The following GINS1 variants were observed in gnomAD, a reference collection of about 807,000 sequenced individuals.
GINS1 encodes the protein GINS complex subunit 1, also known as DNA replication complex GINS protein PSF1.
A neutral mutation model predicts 34.9 loss-of-function variants in GINS1; 26 were observed. The ratio of observed to expected loss-of-function variants is 0.74; its 90% CI spans 0.55 to 1.03. The LOEUF is 1.03. Among genes scored for constraint, GINS1 ranks in the 50% least tolerant of loss-of-function variants. The pLI is 0.00. For missense variants in GINS1, 235 were observed against 237.9 expected, an observed-to-expected ratio of 0.99 and a Z score of 0.08; for synonymous variants, 97 against 84.4, an observed-to-expected ratio of 1.15 and a Z score of -0.82.
chr20:25,430,157 C>T (rs574795660), intron 5 of GINS1, among the ~76,000 whole-genome samples: 137 of 152,344 alleles, frequency 9.0e-4, no homozygotes, highest in African/African-American at 3.0e-3. Context: ...ATCATCCACC[C>T]GCCTTGGCCT....
rs555166278 is a variant in GINS1, at chr20:25,412,852, C to G, written c.76-938C>G. 3.9e-5 allele frequency among the ~76,000 whole-genome samples: 6 copies of G among 152,252 alleles called. No individual in the cohort carries two copies. In the East Asian group the frequency reaches 1.2e-3, roughly 29 times the overall value. On this transcript the variant is annotated intron_variant, in intron 1 of 6. Transcript: ENST00000262460. ...AAAAAGATTTCTGTAACTTTGCCCC[C>G]CTTTTGTAGCTACCTCCCACCTATA...
intron 5 of GINS1, among the ~76,000 whole-genome samples, chr20:25,432,389 G>A (rs57365695): frequency 0.021 from 3,190 of 150,670 alleles, 104 homozygotes; most frequent in African/African-American, 0.073. Flanking sequence ...TGCAACCTCC[G>A]CCTCCCGAGT....
chr20:25,410,419 C>A (rs926642702), intron 1 of GINS1, among the ~76,000 whole-genome samples: 11 of 152,130 alleles, frequency 7.2e-5, no homozygotes, highest in Non-Finnish European at 8.8e-5. Flanking sequence ...CTAGTGCCTT[C>A]CACTGACAAA....
chr20:25,408,985 C>G (rs1052935241), intron 1 of GINS1: 3 of 984,476 alleles, frequency 3.0e-6, no homozygotes, highest in African/African-American at 3.5e-5. Context: ...GCAAGGAGCA[C>G]GAAGGAGAAA....
chr20:25,412,638 C>A (rs2090293493), intron 1 of GINS1, among the ~76,000 whole-genome samples: 1 of 152,054 alleles, frequency 6.6e-6, no homozygotes, highest in Non-Finnish European at 1.5e-5. Flanking sequence ...CGATTGATAT[C>A]TTTGTTCGTC....
chr20:25,446,197 T>C lies in GINS1; in HGVS notation c.*206T>C. The C allele has an allele frequency of 2.5e-6, 1 of 402,762 alleles. No individual in the cohort carries two copies. The highest frequency in any genetic ancestry group is 4.4e-6 in the Non-Finnish European group (1 of 226,784). 24.9% of individuals were successfully genotyped at this position (402,762 alleles called of 1,614,324 possible). A position where few individuals can be genotyped will look rare whatever the true frequency, so the allele number is the denominator to read the frequency against. On this transcript the variant is annotated 3_prime_UTR_variant, in exon 7 of 7. Coordinates refer to ENST00000262460, the MANE Select transcript of GINS1 (RefSeq NM_021067.5). ...GTTGTACACTATTCTTCCTACTCTT[T>C]TTTGGTTTTGGTTTTGTTTTGTAGA...
At chr20:25,431,188 G>T (rs1310210361) in intron 5 of GINS1, among the ~76,000 whole-genome samples, 1 of 152,110 alleles carries the variant, frequency 6.6e-6, no homozygotes. Flanking sequence ...TTTCCAATTT[G>T]TTGGTGTACA....
chr20:25,438,286 T>A (rs940004568), intron 5 of GINS1, among the ~76,000 whole-genome samples: 7 of 151,968 alleles, frequency 4.6e-5, no homozygotes, highest in Non-Finnish European at 7.4e-5. Flanking sequence ...AGGTTCTGAA[T>A]TAAAAATGTA....
intron 5 of GINS1, among the ~76,000 whole-genome samples, chr20:25,426,081 G>C (rs1019157061): frequency 6.6e-6 from 1 of 152,020 alleles, no homozygotes; most frequent in Non-Finnish European, 1.5e-5. Context: ...CTCTGATTTT[G>C]ACTACTGTAA....
At chr20:25,415,760 A>G (rs1204600153) in intron 2 of GINS1, among the ~76,000 whole-genome samples, 2 of 152,032 alleles carry the variant, frequency 1.3e-5, no homozygotes, top group East Asian at 3.9e-4. Context: ...TGAAATATAG[A>G]TATGCCAAAT....
intron 5 of GINS1, among the ~76,000 whole-genome samples, chr20:25,440,834 AAAG>A (rs1288333504): frequency 1.3e-5 from 2 of 148,224 alleles, no homozygotes; most frequent in Non-Finnish European, 3.0e-5. Flanking sequence ...AAAAAAAAAG[AAAG>A]AAAAAACAGC....
chr20:25,418,749 A>G (rs1329315468), intron 4 of GINS1, among the ~76,000 whole-genome samples: 1 of 152,228 alleles, frequency 6.6e-6, no homozygotes, highest in Non-Finnish European at 1.5e-5. Context: ...TTGTCAACTA[A>G]GGAAGCTCAC....
At chr20:25,445,324 G>A (rs1278248431) in intron 6 of GINS1, among the ~76,000 whole-genome samples, 2 of 151,892 alleles carry the variant, frequency 1.3e-5, no homozygotes, top group East Asian at 3.9e-4. Flanking sequence ...TGGGATTACA[G>A]GCATGCGCCA....
rs893713875 is a variant in GINS1 at position 25,412,360 on chromosome 20, C to A, written c.76-1430C>A. Among the ~76,000 whole-genome samples, 45 of 151,744 alleles carry A rather than the reference C, an allele frequency of 3.0e-4. No homozygotes were observed. The Middle Eastern group carries it at 0.01, about 34-fold the overall frequency. On this transcript the variant is annotated intron_variant, in intron 1 of 6. Coordinates refer to ENST00000262460, the MANE Select transcript of GINS1 (RefSeq NM_021067.5). ...CCCGAGGTCAGGAGTTCAAGACCAGCCTGGCCAATATAGTGAAACCCCGTC... is the reference window on the plus strand; with the variant it reads ...CCCGAGGTCAGGAGTTCAAGACCAGACTGGCCAATATAGTGAAACCCCGTC...
At chr20:25,425,145 T>A in intron 4 of GINS1, 66 bp from the exon 5 acceptor site, 1 of 741,374 alleles carries the variant, frequency 1.3e-6, no homozygotes, top group Admixed American at 2.0e-5. Flanking sequence ...TGTTTTCGAA[T>A]GGATGATATT....
intron 5 of GINS1, among the ~76,000 whole-genome samples, chr20:25,437,178 G>T (rs1361383966): frequency 6.6e-6 from 1 of 152,220 alleles, no homozygotes; most frequent in African/African-American, 2.4e-5. Context: ...GAATAGAGGT[G>T]GGAAAACGGT....
Position 25,428,969 on chromosome 20 carries a change from CTTTTTTTT to C in GINS1, c.447+3672_447+3679del, listed in dbSNP as rs77113924. On this transcript the variant is annotated intron_variant, in intron 5 of 6. Coordinates refer to ENST00000262460, the MANE Select transcript of GINS1 (RefSeq NM_021067.5). ...GGGTCCTCCACCTTCATTCCTCTCT[CTTTTTTTT>C]TTTTTTTTTTTTTTTTTTTTTTTTT... is the stretch of plus-strand genomic sequence containing the variant. Among the ~76,000 whole-genome samples, 113 of 127,336 alleles carry C rather than the reference CTTTTTTTT, an allele frequency of 8.9e-4. 1 individual carries two copies. The highest frequency in any genetic ancestry group is 2.9e-3 in the African/African-American group (101 of 34,464). The allele number at this position is 127,336 out of a possible 152,430, so 83.5% of individuals were successfully genotyped here. A position where few individuals can be genotyped will look rare whatever the true frequency, so the allele number is the denominator to read the frequency against.
intron 1 of GINS1, among the ~76,000 whole-genome samples, chr20:25,413,093 C>T (rs967906970): frequency 1.9e-4 from 28 of 147,572 alleles, no homozygotes; most frequent in African/African-American, 5.8e-4. Flanking sequence ...AAGTTTCGCT[C>T]TTGTTGCTCA....
chr20:25,441,323 CA>C (rs1275292625), intron 5 of GINS1, among the ~76,000 whole-genome samples: 5 of 152,180 alleles, frequency 3.3e-5, no homozygotes, highest in African/African-American at 4.8e-5. Flanking sequence ...GTCCCATTCT[CA>C]GATACTGATA....
Sources: allele counts gnomAD v4.1 joint callset (sites outside exome capture counted in the v4.1 genomes callset), GRCh38; gene constraint gnomAD v4.1.1; transcripts MANE v1.5; gene names NCBI Gene and HGNC (gene_info 2026-07-23, HGNC 2026-07-21).